PLPPR1: variants seen among roughly 807,000 people sequenced by gnomAD.
The protein encoded by PLPPR1 is phospholipid phosphatase-related protein type 1.
Under a neutral mutation model 33.1 loss-of-function variants are expected in PLPPR1, and 10 were observed. The ratio of observed to expected loss-of-function variants is 0.30; its 90% CI spans 0.19 to 0.51. The LOEUF (loss-of-function observed/expected upper bound fraction) is 0.51. PLPPR1 is among the 20% of genes least tolerant of loss of function. PLPPR1 has a pLI of 0.97. For missense variants in PLPPR1, 304 were observed against 408.1 expected (o/e 0.74, Z 2.20); for synonymous variants, 151 against 151.0 (o/e 1.00, Z 0.00).
chr9:101,126,797 GAA>G (rs1831250819), intron 1 of PLPPR1, among the ~76,000 whole-genome samples: 1 of 152,136 alleles, frequency 6.6e-6, no homozygotes, highest in Admixed American at 6.6e-5. Context: ...TTCAGAATCT[GAA>G]GTTAGTTGTG....
intron 1 of PLPPR1, among the ~76,000 whole-genome samples, chr9:101,147,836 T>C (rs1033451926): frequency 1.1e-4 from 16 of 152,212 alleles, no homozygotes; most frequent in African/African-American, 3.9e-4. Context: ...TTAAGTCACT[T>C]GCCTAATGTC....
chr9:101,222,189 T>C (rs1234864759), intron 2 of PLPPR1, among the ~76,000 whole-genome samples: 1 of 152,168 alleles, frequency 6.6e-6, no homozygotes, highest in East Asian at 1.9e-4. Context: ...GCCAGCAGTA[T>C]GTATGACAGT....
At position 101,324,310 on chromosome 9, in the gene PLPPR1, G is replaced by C; in HGVS notation, c.*253G>C. ...AAATTTTCTTGTTCAAGCGTGCATT[G>C]AAGAACCACATTTATTCAATGGTTG... On this transcript the variant is annotated 3_prime_UTR_variant, in exon 8 of 8. Coordinates refer to ENST00000374874, the MANE Select transcript of PLPPR1 (RefSeq NM_207299.2). The C allele has an allele frequency of 2.7e-6, 1 of 372,838 alleles. No individual in the cohort carries two copies. The highest frequency in any genetic ancestry group is 4.7e-6 in the Non-Finnish European group (1 of 211,364). The allele number at this position is 372,838 out of a possible 1,614,324, so 23.1% of individuals were successfully genotyped here. A position where few individuals can be genotyped will look rare whatever the true frequency, so the allele number is the denominator to read the frequency against.
At chr9:101,303,775 T>G (rs114800951) in intron 4 of PLPPR1, among the ~76,000 whole-genome samples, 7,030 of 152,286 alleles carry the variant, frequency 0.046, 536 homozygotes, top group African/African-American at 0.16. Context: ...TATTCTTTTC[T>G]TTTTTAAAGT....
chr9:101,298,634 G>T (rs966811837), intron 4 of PLPPR1, among the ~76,000 whole-genome samples: 1 of 151,960 alleles, frequency 6.6e-6, no homozygotes, highest in South Asian at 2.1e-4. Context: ...CAGCTGGGGG[G>T]CCGGTCATGT....
At chr9:101,114,743 C>T (rs1447727912) in intron 1 of PLPPR1, among the ~76,000 whole-genome samples, 1 of 152,174 alleles carries the variant, frequency 6.6e-6, no homozygotes, top group Non-Finnish European at 1.5e-5. Flanking sequence ...ACATATCTGC[C>T]TCTCTAAGTG....
At chr9:101,256,310 G>A (rs1019186901) in intron 2 of PLPPR1, among the ~76,000 whole-genome samples, 8 of 152,104 alleles carry the variant, frequency 5.3e-5, no homozygotes, top group Admixed American at 1.3e-4. Context: ...TTGCTTACAC[G>A]TTCATAGAAT....
chr9:101,319,192 G>C (rs7861116), intron 7 of PLPPR1, among the ~76,000 whole-genome samples: 52,586 of 151,706 alleles, frequency 0.35, 9,769 homozygotes, highest in African/African-American at 0.49. Flanking sequence ...TTTTTCCCCC[G>C]CTGAGATGGA....
chr9:101,132,764 G>A (rs1831328256), intron 1 of PLPPR1, among the ~76,000 whole-genome samples: 3 of 151,946 alleles, frequency 2.0e-5, no homozygotes, highest in Admixed American at 2.0e-4. Context: ...ATGGGCAGTG[G>A]GTATATGAGA....
At chr9:101,318,773 C>CA (rs35086498) in intron 7 of PLPPR1, among the ~76,000 whole-genome samples, 63 of 149,630 alleles carry the variant, frequency 4.2e-4, no homozygotes, top group Admixed American at 9.3e-4. Context: ...GACCCTATCT[C>CA]AAAAAAAAAC....
intron 1 of PLPPR1, among the ~76,000 whole-genome samples, chr9:101,110,629 T>G (rs1320228305): frequency 6.6e-6 from 1 of 152,160 alleles, no homozygotes; most frequent in African/African-American, 2.4e-5. Context: ...GAGGTAGAGA[T>G]ATAATGTCCT....
chr9:101,257,098 G>T (rs1827817048), intron 2 of PLPPR1, among the ~76,000 whole-genome samples: 1 of 152,074 alleles, frequency 6.6e-6, no homozygotes, highest in Non-Finnish European at 1.5e-5. Flanking sequence ...ATGCCAAAAT[G>T]CATTTCTGGG....
chr9:101,142,469 A>G (rs1831463999), intron 1 of PLPPR1, among the ~76,000 whole-genome samples: 2 of 152,156 alleles, frequency 1.3e-5, no homozygotes, highest in South Asian at 4.1e-4. Context: ...CCCTTTCATC[A>G]GGGATAAGAG....
At chr9:101,176,285 A>G (rs907282443) in intron 1 of PLPPR1, among the ~76,000 whole-genome samples, 37 of 152,330 alleles carry the variant, frequency 2.4e-4, no homozygotes, top group Middle Eastern at 3.4e-3. Flanking sequence ...GGAGGGTCCC[A>G]AAACTCTTGC....
rs1017952159 is a variant in PLPPR1, at chr9:101,171,830, A to G, written c.-45-13620A>G. Among the ~76,000 whole-genome samples, 3 of 152,182 alleles carry G rather than the reference A, an allele frequency of 2.0e-5. No individual in the cohort carries two copies. In the South Asian group the frequency reaches 6.2e-4, roughly 31 times the overall value. On this transcript the variant is annotated intron_variant, in intron 1 of 7. Transcript: ENST00000374874. ...ATCTTAGTTGAGGATCATGTACTGA[A>G]CAGAAATGATTCAGAATAGGGAGGG...
chr9:101,074,685 G>T (rs1004424653), intron 1 of PLPPR1, among the ~76,000 whole-genome samples: 6 of 152,046 alleles, frequency 3.9e-5, no homozygotes, highest in Non-Finnish European at 7.4e-5. Flanking sequence ...GCATCACTAT[G>T]TGGTAGGTTT....
chr9:101,154,552 G>T (rs1033020205), intron 1 of PLPPR1, among the ~76,000 whole-genome samples: 1 of 152,116 alleles, frequency 6.6e-6, no homozygotes, highest in African/African-American at 2.4e-5. Context: ...GATCAGTGGT[G>T]ATATCCCCTC....
intron 1 of PLPPR1, among the ~76,000 whole-genome samples, chr9:101,099,139 G>A (rs1276392424): frequency 6.6e-6 from 1 of 151,826 alleles, no homozygotes; most frequent in Non-Finnish European, 1.5e-5. Flanking sequence ...GTTGGTCAGT[G>A]GGGATGTGAA....
chr9:101,034,703 C>G (rs1829988976), intron 1 of PLPPR1, among the ~76,000 whole-genome samples: 1 of 151,836 alleles, frequency 6.6e-6, no homozygotes, highest in Non-Finnish European at 1.5e-5. Context: ...AGAGTAAGTA[C>G]CTAATAAATG....
Sources: gnomAD v4.1 joint callset for allele counts (sites outside exome capture counted in the v4.1 genomes callset) on GRCh38, gnomAD v4.1.1 for gene constraint, MANE v1.5 for transcripts, NCBI Gene and HGNC (gene_info 2026-07-23, HGNC 2026-07-21) for gene names.